Variants in ST18 observed in about 807,000 individuals in gnomAD.
The protein encoded by ST18 is suppression of tumorigenicity 18 protein.
ST18 carries 50 observed loss-of-function variants against 110.0 expected under a neutral mutation model. The observed-to-expected ratio is 0.45, with a 90% CI of 0.36 to 0.58. The LOEUF is 0.58. ST18 is among the 20% of genes least tolerant of loss of function. ST18 has a pLI of 0.00. For synonymous variants in ST18, 461 were observed against 452.4 expected, an observed-to-expected ratio of 1.02 and a Z score of -0.24; for missense variants, 1,306 against 1,280.1, an observed-to-expected ratio of 1.02 and a Z score of -0.31.
intron 2 of ST18, among the ~76,000 whole-genome samples, chr8:52,278,177 C>T (rs185444487): frequency 1.5e-3 from 224 of 152,212 alleles, no homozygotes; most frequent in African/African-American, 4.8e-3. Context: ...ACAGCATCCT[C>T]GTAACAGATT....
chr8:52,140,170 G>A (rs1334387311), intron 17 of ST18, among the ~76,000 whole-genome samples: 1 of 152,164 alleles, frequency 6.6e-6, no homozygotes, highest in Non-Finnish European at 1.5e-5. Flanking sequence ...ACTTTTACAA[G>A]ACAAATATAC....
chr8:52,281,736 A>G (rs745628998), intron 2 of ST18, among the ~76,000 whole-genome samples: 8 of 152,260 alleles, frequency 5.3e-5, no homozygotes, highest in Non-Finnish European at 8.8e-5. Flanking sequence ...AAATAATGGC[A>G]TTCGCAGGAA....
At chr8:52,394,716 C>T (rs1840503192) in intron 2 of ST18, among the ~76,000 whole-genome samples, 2 of 152,206 alleles carry the variant, frequency 1.3e-5, no homozygotes, top group Admixed American at 1.3e-4. Context: ...GGCAACCTAG[C>T]ACCTGATATT....
intron 2 of ST18, among the ~76,000 whole-genome samples, chr8:52,241,727 T>G (rs977526650): frequency 6.6e-6 from 1 of 152,276 alleles, no homozygotes; most frequent in Non-Finnish European, 1.5e-5. Flanking sequence ...GTTACGTTTT[T>G]GACTTCACTG....
In ST18 at chr8:52,399,880, C is replaced by G. The variant is rs1842353075; in HGVS notation, c.-465+9448G>C. ...TGTGCACTAGAAAAGAATGTTTATTCTGCTGCTATTAGATTGAAAGTTCCA... is the reference window on the plus strand; with the variant it reads ...TGTGCACTAGAAAAGAATGTTTATTGTGCTGCTATTAGATTGAAAGTTCCA... On this transcript the variant is annotated intron_variant, in intron 2 of 25. Transcript: ENST00000689386. Among the ~76,000 whole-genome samples, 4 of 151,976 alleles carry G rather than the reference C, an allele frequency of 2.6e-5. No homozygotes were observed. In the South Asian group the frequency reaches 6.2e-4, roughly 24 times the overall value.
chr8:52,364,366 G>A (rs112386057), intron 2 of ST18, among the ~76,000 whole-genome samples: 1,981 of 152,222 alleles, frequency 0.013, 49 homozygotes, highest in African/African-American at 0.046. Context: ...GAGAGTGGGA[G>A]CCAGGCCTGA....
chr8:52,284,637 T>C (rs2095438840), intron 2 of ST18, among the ~76,000 whole-genome samples: 1 of 151,902 alleles, frequency 6.6e-6, no homozygotes, highest in Non-Finnish European at 1.5e-5. Context: ...ACACCAGGTT[T>C]TGGTTAGAAC....
intron 2 of ST18, among the ~76,000 whole-genome samples, chr8:52,376,897 G>A (rs1242095479): frequency 6.6e-6 from 1 of 152,164 alleles, no homozygotes; most frequent in Non-Finnish European, 1.5e-5. Context: ...GGACTTTGAT[G>A]GGTCCAAGAT....
chr8:52,151,299 C>T (rs2058747021), intron 15 of ST18, among the ~76,000 whole-genome samples: 1 of 151,720 alleles, frequency 6.6e-6, no homozygotes, highest in South Asian at 2.1e-4. Flanking sequence ...GCTTATTTTA[C>T]CTGCAAAGTT....
At chr8:52,324,893 G>T (rs369751234) in intron 2 of ST18, among the ~76,000 whole-genome samples, 22 of 152,250 alleles carry the variant, frequency 1.4e-4, no homozygotes, top group African/African-American at 5.1e-4. Context: ...TTAATGCCCG[G>T]ACATGTTGAT....
At chr8:52,242,619 A>C (rs938398340) in intron 2 of ST18, among the ~76,000 whole-genome samples, 3 of 152,190 alleles carry the variant, frequency 2.0e-5, no homozygotes, top group African/African-American at 7.2e-5. Context: ...CAGATTGATC[A>C]CTTGAGGTCA....
chr8:52,368,655 G>A (rs1829101261), intron 2 of ST18, among the ~76,000 whole-genome samples: 1 of 152,106 alleles, frequency 6.6e-6, no homozygotes, highest in African/African-American at 2.4e-5. Flanking sequence ...TTCCGCATGT[G>A]GCGGCCACAT....
At chr8:52,277,831 A>G (rs1172415790) in intron 2 of ST18, among the ~76,000 whole-genome samples, 4 of 152,182 alleles carry the variant, frequency 2.6e-5, no homozygotes, top group African/African-American at 9.7e-5. Flanking sequence ...ATGAAGAAAA[A>G]GTGATCCTTT....
At chr8:52,385,432 T>A (rs1424401235) in intron 2 of ST18, among the ~76,000 whole-genome samples, 1 of 151,992 alleles carries the variant, frequency 6.6e-6, no homozygotes, top group East Asian at 1.9e-4. Flanking sequence ...AAACCCCATC[T>A]CTACTAAAAA....
In ST18 at chr8:52,180,107, TCTC is replaced by T. The variant is rs2068756121; in HGVS notation, c.277+12_277+14del. 1 of 1,612,778 alleles carries T rather than the reference TCTC, an allele frequency of 6.2e-7. No homozygotes were observed. The highest frequency in any genetic ancestry group is 8.5e-7 in the Non-Finnish European group (1 of 1,179,072). ...GCCAGGGAGCAGGTAAAGTTTGGGCTCTCCTCCTTGCTACCTGCGGTAGAGTGA... is the reference window on the plus strand; with the variant it reads ...GCCAGGGAGCAGGTAAAGTTTGGGCTCTCCTTGCTACCTGCGGTAGAGTGA... On this transcript the variant is annotated intron_variant, in intron 9 of 25. Transcript: ENST00000689386.
chr8:52,357,676 A>ATAT (rs1823427401), intron 2 of ST18, among the ~76,000 whole-genome samples: 8 of 38,450 alleles, frequency 2.1e-4, no homozygotes, highest in African/African-American at 8.3e-4. Context: ...AAAATCTATA[A>ATAT]ATATATATAT....
chr8:52,202,102 C>CTT (rs946158281), intron 8 of ST18, among the ~76,000 whole-genome samples: 3 of 152,046 alleles, frequency 2.0e-5, no homozygotes, highest in Non-Finnish European at 4.4e-5. Context: ...CTCAGGTGTT[C>CTT]TTATCACAAT....
At chr8:52,408,680 T>G (rs1468388716) in intron 2 of ST18, among the ~76,000 whole-genome samples, 1 of 152,180 alleles carries the variant, frequency 6.6e-6, no homozygotes, top group East Asian at 1.9e-4. Context: ...AAATACCCAT[T>G]CAAAAGTCCA....
intron 22 of ST18, among the ~76,000 whole-genome samples, chr8:52,126,807 G>T (rs540839333): frequency 2.6e-5 from 4 of 152,292 alleles, no homozygotes; most frequent in East Asian, 3.9e-4. Flanking sequence ...ACATTGCAGT[G>T]GTGTTTATAA....
Sources: gnomAD v4.1 joint callset for allele counts (sites outside exome capture counted in the v4.1 genomes callset) on GRCh38, gnomAD v4.1.1 for gene constraint, MANE v1.5 for transcripts, NCBI Gene and HGNC (gene_info 2026-07-23, HGNC 2026-07-21) for gene names.